The following UHRF1 variants were observed in gnomAD, a reference collection of about 807,000 sequenced individuals.
UHRF1 encodes E3 ubiquitin-protein ligase UHRF1.
In UHRF1, 9 loss-of-function variants were observed where a neutral mutation model predicts 96.5. The ratio of observed to expected loss-of-function variants is 0.09; its 90% CI spans 0.06 to 0.16. The LOEUF is 0.16. Among genes scored for constraint, UHRF1 ranks in the 10% least tolerant of loss-of-function variants. The pLI is 1.00. For synonymous variants in UHRF1, 455 were observed against 469.9 expected (o/e 0.97, Z 0.41); for missense variants, 626 against 1,131.1 (o/e 0.55, Z 6.40).
chr19:4,944,185 G>A lies in UHRF1; in HGVS notation c.1127G>A (p.Arg376Gln), dbSNP rs371894929. The change falls in exon 8 of 17, where the codon CGG becomes CAG. Residue 376 changes from arginine to glutamine, a missense_variant. Physicochemically the swap from Arg to Gln is conservative, Grantham distance 43. Transcript: ENST00000650932. ...AGCGAGGTGGTACTGGCGGGAGAGCGGCTGAGAGAGAGCAAGAAGAAGGCG... is the reference window on the plus strand; with the variant it reads ...AGCGAGGTGGTACTGGCGGGAGAGCAGCTGAGAGAGAGCAAGAAGAAGGCG... ...DASEVVLAGE[R>Q]LRESKKKAKM... is the part of the protein sequence containing the mutation. The A allele has an allele frequency of 2.1e-5, 34 of 1,613,612 alleles. No homozygotes were observed. The highest frequency in any genetic ancestry group is 6.7e-5 in the East Asian group (3 of 44,876).
intron 11 of UHRF1, among the ~76,000 whole-genome samples, chr19:4,948,110 A>AAAC (rs1408394795): frequency 2.0e-5 from 3 of 151,694 alleles, no homozygotes; most frequent in South Asian, 4.2e-4. Flanking sequence ...TCAAAAAAAA[A>AAAC]AAAAAAAAAA....
Position 4,929,461 on chromosome 19 carries a change from A to G in UHRF1, c.393A>G (p.Glu131=), listed in dbSNP as rs2123731. 0.28 allele frequency: 456,714 copies of G among 1,612,908 alleles called. 68,402 individuals carry two copies. The highest frequency in any genetic ancestry group is 0.43 in the African/African-American group (31,843 of 74,880). ...PADEDMWDET[E]LGLYKVNEYV... is the part of the protein sequence containing the mutation. ...ATGAGGACATGTGGGATGAGACGGA[A>G]TTGGGGCTGTACAAGGTGAGCCTCC... Residue 131 remains glutamate, a synonymous_variant, in exon 3 of 17, where the codon GAA becomes GAG. Coordinates refer to ENST00000650932, the MANE Select transcript of UHRF1 (RefSeq NM_001048201.3).
rs1568403284 is a variant in UHRF1, at chr19:4,909,500, CAG to C, written c.-163_-162del. ...TGCCGAGTTTTCGCGGGAAAAAAATCAGAGCAGCTGGCAGCGCGGCGGGCAGC... is the reference window on the plus strand; with the variant it reads ...TGCCGAGTTTTCGCGGGAAAAAAATCAGCAGCTGGCAGCGCGGCGGGCAGC... On this transcript the variant is annotated 5_prime_UTR_variant, in exon 1 of 17. Transcript: ENST00000650932. 3.0e-6 allele frequency: 2 copies of C among 656,554 alleles called. No homozygotes were observed. Among genetic ancestry groups the C allele is most frequent in the African/African-American group, 1.9e-5 (1 of 52,626 alleles). The allele number at this position is 656,554 out of a possible 1,614,324, so 40.7% of individuals were successfully genotyped here.
intron 11 of UHRF1, among the ~76,000 whole-genome samples, chr19:4,948,588 G>A (rs990150164): frequency 1.3e-5 from 2 of 151,882 alleles, no homozygotes; most frequent in African/African-American, 4.8e-5. Context: ...GATCACCTGA[G>A]GTCAGGAGTT....
At chr19:4,943,526 A>G (rs2033473166) in intron 7 of UHRF1, among the ~76,000 whole-genome samples, 1 of 143,770 alleles carries the variant, frequency 7.0e-6, no homozygotes, top group Non-Finnish European at 1.5e-5. Flanking sequence ...GAGATGGGGA[A>G]ACTGAGTCCA....
chr19:4,933,961 G>T (rs2033139126), intron 5 of UHRF1, among the ~76,000 whole-genome samples: 1 of 84,702 alleles, frequency 1.2e-5, no homozygotes, highest in Admixed American at 1.5e-4. Flanking sequence ...GCCTCTTTGT[G>T]TGTGTGTGTG....
intron 7 of UHRF1, among the ~76,000 whole-genome samples, chr19:4,943,897 C>T (rs1463922837): frequency 1.1e-4 from 17 of 152,138 alleles, no homozygotes; most frequent in South Asian, 2.1e-4. Flanking sequence ...GTGATCTGCC[C>T]GCCTCGGCCT....
rs1196407419 is a variant in UHRF1 at position 4,957,278 on chromosome 19, C to CCTACAAGGTAGGAGGGATCCTACCT, written c.2235+465_2235+466insCTACAAGGTAGGAGGGATCCTACCT. On this transcript the variant is annotated intron_variant, in intron 16 of 16. Coordinates refer to ENST00000650932, the MANE Select transcript of UHRF1 (RefSeq NM_001048201.3). ...GACAAGTGGTCAGTCGTAGGAGGGA[C>CCTACAAGGTAGGAGGGATCCTACCT]ACAAGATCCCAGCTGATGGTTTTTT... is the stretch of plus-strand genomic sequence containing the variant. Among the ~76,000 whole-genome samples the CCTACAAGGTAGGAGGGATCCTACCT allele has an allele frequency of 3.6e-5, 5 of 139,648 alleles. No homozygotes were observed. In the East Asian group the frequency reaches 1.1e-3, roughly 30 times the overall value. 91.6% of individuals were successfully genotyped at this position (139,648 alleles called of 152,430 possible).
chr19:4,952,475 C>CCT (rs2033745677), intron 13 of UHRF1, among the ~76,000 whole-genome samples: 1 of 145,502 alleles, frequency 6.9e-6, no homozygotes, highest in Non-Finnish European at 1.5e-5. Flanking sequence ...CTCATTGCAA[C>CCT]CTCCACCTCC....
intron 15 of UHRF1, among the ~76,000 whole-genome samples, chr19:4,956,090 C>A (rs1295104486): frequency 6.6e-6 from 1 of 151,976 alleles, no homozygotes; most frequent in South Asian, 2.1e-4. Flanking sequence ...ACCCACCACG[C>A]CTGGCTAATC....
chr19:4,946,232 TGACTCTGAC>T (rs2033561243), intron 10 of UHRF1, among the ~76,000 whole-genome samples: 1 of 152,112 alleles, frequency 6.6e-6, no homozygotes, highest in Non-Finnish European at 1.5e-5. Context: ...CCTGCCTCTG[TGACTCTGAC>T]GACTCTGGAG....
chr19:4,916,622 C>G (rs540560936), intron 2 of UHRF1, among the ~76,000 whole-genome samples: 1 of 152,072 alleles, frequency 6.6e-6, no homozygotes, highest in African/African-American at 2.4e-5. Flanking sequence ...GCTGGGATGC[C>G]CTCGCGGCGC....
At chr19:4,924,726 G>A (rs1434128252) in intron 2 of UHRF1, among the ~76,000 whole-genome samples, 2 of 152,036 alleles carry the variant, frequency 1.3e-5, no homozygotes, top group Admixed American at 6.6e-5. Flanking sequence ...CCCACAGAGC[G>A]GTGCATCGGT....
intron 7 of UHRF1, among the ~76,000 whole-genome samples, chr19:4,942,892 C>G (rs996001022): frequency 6.6e-6 from 1 of 152,074 alleles, no homozygotes; most frequent in African/African-American, 2.4e-5. Context: ...GAACTGTGAT[C>G]GCGCCACTGT....
chr19:4,905,586 C>G (rs538885746), upstream of UHRF1, among the ~76,000 whole-genome samples: 1 of 151,962 alleles, frequency 6.6e-6, no homozygotes, highest in South Asian at 2.1e-4. Flanking sequence ...GGTGCAATCT[C>G]GGCTCACTGT....
intron 10 of UHRF1, among the ~76,000 whole-genome samples, chr19:4,946,524 G>A (rs987210057): frequency 6.6e-6 from 1 of 151,936 alleles, no homozygotes; most frequent in Non-Finnish European, 1.5e-5. Flanking sequence ...ATTCTTTTGG[G>A]TGTATATCCA....
chr19:4,923,312 C>T (rs2032762730), intron 2 of UHRF1, among the ~76,000 whole-genome samples: 1 of 152,140 alleles, frequency 6.6e-6, no homozygotes, highest in Non-Finnish European at 1.5e-5. Context: ...GTCGAGGTCA[C>T]TTGGTTCTTG....
chr19:4,960,731 T>C lies in UHRF1; in HGVS notation c.2310T>C (p.Tyr770=). The C allele has an allele frequency of 1.9e-6, 3 of 1,570,808 alleles. No individual in the cohort carries two copies. Among genetic ancestry groups the C allele is most frequent in the Non-Finnish European group, 2.6e-6 (3 of 1,158,684 alleles). ...GCCGCTACGACCTGGGCCGCAGCTA[T>C]GCCATGCAGGTGAACCAGCCTCTGC... is the stretch of plus-strand genomic sequence containing the variant. ...PACRYDLGRS[Y]AMQVNQPLQT... is the part of the protein sequence containing the mutation. Residue 770 remains tyrosine (Y), a synonymous_variant, in exon 17 of 17, where the codon TAT becomes TAC. Coordinates refer to ENST00000650932, the MANE Select transcript of UHRF1 (RefSeq NM_001048201.3).
At chr19:4,909,979 C>T (rs1346063336) in intron 1 of UHRF1, among the ~76,000 whole-genome samples, 1 of 151,002 alleles carries the variant, frequency 6.6e-6, no homozygotes, top group Non-Finnish European at 1.5e-5. Flanking sequence ...CGCGCCCGAG[C>T]CCGATTTCGC....
Sources: gnomAD v4.1 joint callset for allele counts (sites outside exome capture counted in the v4.1 genomes callset) on GRCh38, gnomAD v4.1.1 for gene constraint, MANE v1.5 for transcripts, NCBI Gene and HGNC (gene_info 2026-07-23, HGNC 2026-07-21) for gene names.